HDHD5: variants seen among roughly 807,000 people sequenced by gnomAD.
The protein encoded by HDHD5 is haloacid dehalogenase like hydrolase domain containing 5.
HDHD5 carries 34 observed loss-of-function variants against 35.5 expected under a neutral mutation model. The observed-to-expected ratio is 0.96, with a 90% confidence interval of 0.73 to 1.28. The LOEUF (loss-of-function observed/expected upper bound fraction) is 1.28, where lower values mean the gene tolerates loss of function less well. Ranked by LOEUF, HDHD5 falls within the 50% of genes most tolerant of loss-of-function variation. The pLI is 0.00. For synonymous variants in HDHD5, 248 were observed against 240.6 expected (o/e 1.03, Z -0.29); for missense variants, 589 against 560.2 (o/e 1.05, Z -0.52).
At chr22:17,160,649 GAA>G (rs56071352), upstream of HDHD5, among the ~76,000 whole-genome samples, 17,906 of 144,358 alleles carry the variant, frequency 0.12, 1,363 homozygotes, top group African/African-American at 0.21. Context: ...ACTCCGTCTT[GAA>G]AAAAAAAAAA....
upstream of HDHD5, among the ~76,000 whole-genome samples, chr22:17,161,397 A>G (rs530874883): frequency 1.3e-3 from 196 of 151,512 alleles, 2 homozygotes; most frequent in African/African-American, 3.9e-3. Context: ...TGTCTCTACT[A>G]AAAATACAAA....
intron 1 of HDHD5, among the ~76,000 whole-genome samples, chr22:17,151,223 T>C (rs1343594485): frequency 6.6e-6 from 1 of 152,388 alleles, no homozygotes. Context: ...CTGCATTTCC[T>C]GGATTTATAA....
chr22:17,149,778 G>C lies in HDHD5; in HGVS notation c.127-33C>G, dbSNP rs776116257. On this transcript the variant is annotated intron_variant, in intron 1 of 7. Transcript: ENST00000336737. ...GATGGTAAGATAATTACCAGTACGT[G>C]AGTAACAAAGAAACAACCCTTACAA... 3.2e-6 allele frequency: 5 copies of C among 1,587,116 alleles called. No individual in the cohort carries two copies. In the South Asian group the frequency reaches 5.5e-5, roughly 18 times the overall value.
intron 1 of HDHD5, among the ~76,000 whole-genome samples, chr22:17,150,583 A>C (rs951750252): frequency 1.4e-5 from 2 of 147,078 alleles, no homozygotes; most frequent in Non-Finnish European, 3.0e-5. Flanking sequence ...CAGCAGCGTT[A>C]TCTCAGCTCA....
intron 6 of HDHD5, among the ~76,000 whole-genome samples, chr22:17,139,728 A>C (rs1378995725): frequency 6.6e-6 from 1 of 152,020 alleles, no homozygotes; most frequent in East Asian, 1.9e-4. Flanking sequence ...ACCTGCCACC[A>C]TGCCCGGCTA....
chr22:17,138,327 G>C lies in HDHD5; in HGVS notation c.966C>G (p.Ala322=). The C allele has an allele frequency of 2.5e-6, 4 of 1,614,098 alleles. No individual in the cohort carries two copies. Among genetic ancestry groups the C allele is most frequent in the Non-Finnish European group, 3.4e-6 (4 of 1,180,016 alleles). ...TCTGCAGGTACTGGTGGAACAGGTTGGCGCCGTATACGTCAGACATAGGGT... is the reference window on the plus strand; with the variant it reads ...TCTGCAGGTACTGGTGGAACAGGTTCGCGCCGTATACGTCAGACATAGGGT... The part of the protein sequence containing the change: ...GDNPMSDVYG[A]NLFHQYLQKA... Residue 322 remains alanine, a synonymous_variant, in exon 8 of 8, where the codon GCC becomes GCG. Transcript: ENST00000336737.
At chr22:17,160,072 C>T (rs893185130), upstream of HDHD5, among the ~76,000 whole-genome samples, 1 of 152,230 alleles carries the variant, frequency 6.6e-6, no homozygotes, top group African/African-American at 2.4e-5. Context: ...AAAGAGGTCT[C>T]CATTCCCACC....
intron 6 of HDHD5, among the ~76,000 whole-genome samples, chr22:17,140,172 TG>T (rs1302026777): frequency 6.6e-6 from 1 of 152,208 alleles, no homozygotes; most frequent in Non-Finnish European, 1.5e-5. Context: ...CACTGTCGAC[TG>T]GGGGTCAACA....
intron 1 of HDHD5, among the ~76,000 whole-genome samples, chr22:17,152,851 G>A (rs1037797914): frequency 2.6e-5 from 4 of 152,020 alleles, no homozygotes; most frequent in South Asian, 2.1e-4. Context: ...CAAGACCCCC[G>A]GGAGAGGCAA....
intron 1 of HDHD5, among the ~76,000 whole-genome samples, chr22:17,155,086 T>C (rs1277289844): frequency 6.6e-6 from 1 of 152,102 alleles, no homozygotes; most frequent in African/African-American, 2.4e-5. Context: ...ATCTGGGAGA[T>C]GGGCACAGGG....
intron 1 of HDHD5, among the ~76,000 whole-genome samples, chr22:17,152,947 C>G (rs9606631): frequency 6.6e-6 from 1 of 151,902 alleles, no homozygotes; most frequent in East Asian, 1.9e-4. Context: ...AGGAGGAGGG[C>G]AGGGACCCTG....
At position 17,138,095 on chromosome 22, in the gene HDHD5, C is replaced by G; in HGVS notation, c.1198G>C (p.Ala400Pro). Residue 400 changes from alanine (A) to proline (P), a missense_variant, in exon 8 of 8, where the codon GCC (alanine) becomes CCC (proline). Coordinates refer to ENST00000336737, the MANE Select transcript of HDHD5 (RefSeq NM_033070.3). Reference sequence around the variant, plus strand: ...TTCACGTCATTCACCACGTGGGAGGCCTCCATGAGCCCTGGACTGAAGCAT... The same window carrying G: ...TTCACGTCATTCACCACGTGGGAGGGCTCCATGAGCCCTGGACTGAAGCAT... ...DLCFSPGLME[A>P]SHVVNDVNEA... is the part of the protein sequence containing the mutation. 6.2e-7 allele frequency: 1 copy of G among 1,614,150 alleles called. No individual in the cohort carries two copies. Among genetic ancestry groups the G allele is most frequent in the Non-Finnish European group, 8.5e-7 (1 of 1,180,006 alleles).
At chr22:17,160,052 C>G (rs1054039156), upstream of HDHD5, among the ~76,000 whole-genome samples, 6 of 152,242 alleles carry the variant, frequency 3.9e-5, no homozygotes, top group African/African-American at 1.4e-4. Flanking sequence ...AGGGGAGATT[C>G]TGCTGGAGGA....
At chr22:17,159,509 G>GAGC (rs1568954930), upstream of HDHD5, 4 of 462,966 alleles carry the variant, frequency 8.6e-6, 1 homozygote, top group South Asian at 6.3e-5. Flanking sequence ...GGCACGGCCT[G>GAGC]GGCGGCGGCG....
At chr22:17,146,550 C>T (rs1302508971) in intron 3 of HDHD5, among the ~76,000 whole-genome samples, 4 of 115,748 alleles carry the variant, frequency 3.5e-5, no homozygotes, top group African/African-American at 1.0e-4. Flanking sequence ...ACACCTGTGA[C>T]GCCCTCCTGT....
intron 6 of HDHD5, among the ~76,000 whole-genome samples, chr22:17,140,692 G>A (rs1316965549): frequency 6.6e-6 from 1 of 152,202 alleles, no homozygotes; most frequent in East Asian, 1.9e-4. Flanking sequence ...GCTACAGGAT[G>A]GAGCCAAGGA....
intron 1 of HDHD5, among the ~76,000 whole-genome samples, chr22:17,154,897 T>C (rs1192379423): frequency 6.6e-6 from 1 of 151,996 alleles, no homozygotes; most frequent in Non-Finnish European, 1.5e-5. Flanking sequence ...AGTGCTCAGA[T>C]TACAGGTGTG....
chr22:17,160,552 G>A (rs2123884694), upstream of HDHD5, among the ~76,000 whole-genome samples: 1 of 151,986 alleles, frequency 6.6e-6, no homozygotes, highest in Admixed American at 6.6e-5. Context: ...GGGAGGCTGA[G>A]GCAGGAGAAT....
At chr22:17,164,358 G>A (rs1450834018) in intron 1 of HDHD5, among the ~76,000 whole-genome samples, 2 of 152,164 alleles carry the variant, frequency 1.3e-5, no homozygotes, top group African/African-American at 4.8e-5. Flanking sequence ...CTATTAGTTA[G>A]GATTAGGTTT....
Sources: gnomAD v4.1 joint callset for allele counts (sites outside exome capture counted in the v4.1 genomes callset) on GRCh38, gnomAD v4.1.1 for gene constraint, MANE v1.5 for transcripts, NCBI Gene and HGNC (gene_info 2026-07-23, HGNC 2026-07-21) for gene names.